Variants in TOX observed in about 807,000 individuals in gnomAD.
TOX encodes the protein thymocyte selection-associated high mobility group box protein TOX.
In TOX, 11 loss-of-function variants were observed where a neutral mutation model predicts 53.7. The ratio of observed to expected loss-of-function variants is 0.20; its 90% CI spans 0.13 to 0.34. The LOEUF (loss-of-function observed/expected upper bound fraction) is 0.34. Among genes scored for constraint, TOX ranks in the 10% least tolerant of loss-of-function variants. TOX has a pLI of 1.00. For missense variants in TOX, 570 were observed against 664.6 expected, an observed-to-expected ratio of 0.86 and a Z score of 1.56; for synonymous variants, 225 against 245.3, an observed-to-expected ratio of 0.92 and a Z score of 0.77.
chr8:58,902,555 G>T (rs189403147), intron 3 of TOX, among the ~76,000 whole-genome samples: 1 of 152,138 alleles, frequency 6.6e-6, no homozygotes, highest in East Asian at 1.9e-4. Flanking sequence ...TAGAACTTAG[G>T]TACTGCCTAC....
intron 1 of TOX, among the ~76,000 whole-genome samples, chr8:58,987,720 G>C (rs1813359652): frequency 1.3e-5 from 2 of 152,156 alleles, no homozygotes; most frequent in Non-Finnish European, 2.9e-5. Flanking sequence ...CTGGTGTTTA[G>C]CACCTAACTG....
chr8:59,107,324 T>C (rs1047213103), intron 1 of TOX, among the ~76,000 whole-genome samples: 13 of 152,150 alleles, frequency 8.5e-5, no homozygotes. Context: ...ATAACTTAGT[T>C]TCTGTTGAAC....
At chr8:59,099,212 A>G (rs1173947215) in intron 1 of TOX, among the ~76,000 whole-genome samples, 3 of 152,182 alleles carry the variant, frequency 2.0e-5, no homozygotes, top group Non-Finnish European at 4.4e-5. Context: ...GGCTGGAAAA[A>G]ATCTTAGAGG....
chr8:59,067,814 T>A (rs1585999288), intron 1 of TOX, among the ~76,000 whole-genome samples: 1 of 152,150 alleles, frequency 6.6e-6, no homozygotes, highest in Non-Finnish European at 1.5e-5. Flanking sequence ...AATTTGCATA[T>A]GTGACACACT....
At chr8:59,003,130 C>T (rs1018413884) in intron 1 of TOX, among the ~76,000 whole-genome samples, 1 of 152,160 alleles carries the variant, frequency 6.6e-6, no homozygotes, top group African/African-American at 2.4e-5. Context: ...AAAAGTCAGA[C>T]CAAACTTCAA....
At chr8:58,814,934 T>A (rs1485881138) in intron 7 of TOX, among the ~76,000 whole-genome samples, 1 of 152,208 alleles carries the variant, frequency 6.6e-6, no homozygotes, top group Non-Finnish European at 1.5e-5. Context: ...GACTTTCTCA[T>A]CTCCAAACAA....
intron 1 of TOX, among the ~76,000 whole-genome samples, chr8:59,057,031 G>A (rs1316765915): frequency 1.3e-5 from 2 of 152,042 alleles, no homozygotes; most frequent in South Asian, 2.1e-4. Flanking sequence ...CTTTAATAAC[G>A]TAGTTCTTTC....
Position 58,851,177 on chromosome 8 carries a change from TCTCTCTCTCACACACACA to T in TOX, c.693+329_693+346del, listed in dbSNP as rs764753583. 2.4e-3 allele frequency among the ~76,000 whole-genome samples: 346 copies of T among 146,884 alleles called. 1 individual carries two copies. Among genetic ancestry groups the T allele is most frequent in the Admixed American group, 5.0e-3 (74 of 14,838 alleles). On this transcript the variant is annotated intron_variant, in intron 4 of 8. Coordinates refer to ENST00000361421, the MANE Select transcript of TOX (RefSeq NM_014729.3). This position sits in a 1 kb window ranked among gnomAD's most constrained non-coding sequence, Gnocchi z 4.4. The stretch of plus-strand genomic sequence containing the variant: ...CTCTCTGTCTCTCTCTCTCTCTCTC[TCTCTCTCTCACACACACA>T]CACACACACACACACACGACCTTCA...
intron 3 of TOX, among the ~76,000 whole-genome samples, chr8:58,887,323 A>C (rs1811485658): frequency 6.6e-6 from 1 of 151,958 alleles, no homozygotes; most frequent in African/African-American, 2.4e-5. Flanking sequence ...ACTTCATACA[A>C]GAAAGGTTGC....
intron 1 of TOX, among the ~76,000 whole-genome samples, chr8:59,060,942 A>G (rs921906940): frequency 6.6e-6 from 1 of 152,158 alleles, no homozygotes; most frequent in Non-Finnish European, 1.5e-5. Context: ...CAACGCTACT[A>G]TTGGGGGAAA....
At chr8:58,957,424 A>G (rs1812729039) in intron 2 of TOX, among the ~76,000 whole-genome samples, 1 of 152,238 alleles carries the variant, frequency 6.6e-6, no homozygotes, top group Non-Finnish European at 1.5e-5. Context: ...TTACAAAACT[A>G]TATGCAAAAA....
intron 1 of TOX, chr8:58,991,820 T>C (rs1237149903): frequency 1.3e-5 from 2 of 152,386 alleles, no homozygotes; most frequent in Admixed American, 1.3e-4. Context: ...TTACAAACAC[T>C]TGTGGAGACA....
rs1216796363 is a variant in TOX at position 58,877,876 on chromosome 8, C to T, written c.412-26071G>A. Among the ~76,000 whole-genome samples, 3 of 151,310 alleles carry T rather than the reference C, an allele frequency of 2.0e-5. No individual in the cohort carries two copies. The South Asian group carries it at 6.3e-4, about 32-fold the overall frequency. ...TACATATTAAAAAAAAAAAAAGCCT[C>T]AGGAAAACTTTCCAATTGATTTTGC... On this transcript the variant is annotated intron_variant, in intron 3 of 8. Transcript: ENST00000361421.
chr8:58,949,867 C>T (rs1485243484), intron 2 of TOX, among the ~76,000 whole-genome samples: 1 of 149,070 alleles, frequency 6.7e-6, no homozygotes, highest in African/African-American at 2.5e-5. Flanking sequence ...ATTTCATATA[C>T]ACATATAATA....
chr8:59,067,415 A>T (rs1028838051), intron 1 of TOX, among the ~76,000 whole-genome samples: 1 of 151,980 alleles, frequency 6.6e-6, no homozygotes, highest in East Asian at 1.9e-4. Context: ...TTAGCCACCC[A>T]TGATGGTGCA....
chr8:58,817,063 C>T (rs1810192877), intron 6 of TOX, among the ~76,000 whole-genome samples: 1 of 152,088 alleles, frequency 6.6e-6, no homozygotes, highest in African/African-American at 2.4e-5. Context: ...CACGTTCTGT[C>T]ATTATAGAAA....
At chr8:59,084,547 A>G (rs913955221) in intron 1 of TOX, among the ~76,000 whole-genome samples, 3 of 152,200 alleles carry the variant, frequency 2.0e-5, no homozygotes, top group African/African-American at 7.2e-5. Flanking sequence ...ATTAGCATTA[A>G]CACTGATGAA....
intron 1 of TOX, among the ~76,000 whole-genome samples, chr8:59,082,531 C>T (rs892070396): frequency 2.0e-5 from 3 of 152,182 alleles, no homozygotes; most frequent in Admixed American, 1.3e-4. Flanking sequence ...TACATCTCTA[C>T]GTATGTACAT....
chr8:58,907,720 C>T (rs1811841773), intron 3 of TOX, among the ~76,000 whole-genome samples: 1 of 152,198 alleles, frequency 6.6e-6, no homozygotes, highest in Non-Finnish European at 1.5e-5. Context: ...AGTCCAGTAT[C>T]AGTGAGGCTG....
Sources: gnomAD v4.1 joint callset for allele counts (sites outside exome capture counted in the v4.1 genomes callset) on GRCh38, gnomAD v4.1.1 for gene constraint, Gnocchi (gnomAD v3.1) non-coding constraint, MANE v1.5 for transcripts, NCBI Gene and HGNC (gene_info 2026-07-23, HGNC 2026-07-21) for gene names.